SEPTIN1: variants seen among roughly 807,000 people sequenced by gnomAD.
SEPTIN1 encodes the protein septin-1.
A neutral mutation model predicts 50.7 loss-of-function variants in SEPTIN1; 52 were observed. The ratio of observed to expected loss-of-function variants is 1.03; its 90% CI spans 0.82 to 1.29. The LOEUF (loss-of-function observed/expected upper bound fraction) is 1.29. SEPTIN1 is among the 50% of genes most tolerant of loss of function. SEPTIN1 has a pLI of 0.00. For synonymous variants in SEPTIN1, 204 were observed against 189.1 expected (o/e 1.08, Z -0.65); for missense variants, 455 against 490.7 (o/e 0.93, Z 0.69).
At position 30,379,248 on chromosome 16, in the gene SEPTIN1, G is replaced by C; in HGVS notation, c.776-65C>G. ...TTTCGGGTCCAACCCACCCGTAAGG[G>C]TCGGGTCTACAGGAAAGTCCTGCTG... On this transcript the variant is annotated intron_variant, in intron 8 of 10. Transcript: ENST00000321367. The C allele has an allele frequency of 1.9e-6, 3 of 1,592,584 alleles. No individual in the cohort carries two copies. The Admixed American group carries it at 5.1e-5, about 27-fold the overall frequency.
At position 30,379,201 on chromosome 16, in the gene SEPTIN1, C is replaced by T. The variant is rs1567423231; in HGVS notation, c.776-18G>A. ...GTTCTCCACTGGAGGGGGGGCGGCG[C>T]GGACCAGCGAACGTCAGGGAGTTTC... On this transcript the variant is annotated intron_variant, in intron 8 of 10. Coordinates refer to ENST00000321367, the MANE Select transcript of SEPTIN1 (RefSeq NM_001365977.2). 2 of 1,613,206 alleles carry T rather than the reference C, an allele frequency of 1.2e-6. No individual in the cohort carries two copies. Among genetic ancestry groups the T allele is most frequent in the South Asian group, 1.1e-5 (1 of 91,008 alleles).
intron 6 of SEPTIN1, chr16:30,380,336 C>T (rs1447361828): frequency 6.0e-6 from 1 of 167,566 alleles, no homozygotes; most frequent in African/African-American, 2.4e-5. Flanking sequence ...AGGTTTCACT[C>T]TATCACCCAG....
chr16:30,378,346 C>CG lies in SEPTIN1; in HGVS notation c.*87dup, dbSNP rs988503603. ...GCGAGGGCGGCACCCGCGGAGGTCC[C>CG]GGGGGGCGCTGGGCAGTGTGGGGCG... On this transcript the variant is annotated 3_prime_UTR_variant, in exon 11 of 11. Coordinates refer to ENST00000321367, the MANE Select transcript of SEPTIN1 (RefSeq NM_001365977.2). 3.9e-5 allele frequency: 51 copies of CG among 1,294,728 alleles called. No homozygotes were observed. Among genetic ancestry groups the CG allele is most frequent in the Middle Eastern group, 2.6e-4 (1 of 3,878 alleles). 80.2% of individuals were successfully genotyped at this position (1,294,728 alleles called of 1,614,324 possible).
Position 30,379,449 on chromosome 16 carries a change from C to G in SEPTIN1, c.761G>C (p.Trp254Ser). 2 of 1,613,910 alleles carry G rather than the reference C, an allele frequency of 1.2e-6. No individual in the cohort carries two copies. The highest frequency in any genetic ancestry group is 1.7e-4 in the Middle Eastern group (1 of 6,060). Residue 254 changes from tryptophan to serine, a missense_variant, in exon 8 of 11, where the codon TGG becomes TCG. Transcript: ENST00000321367. ...GCCTCACTCACCCTCCACGGTCCCC[C>G]AGGAGTAGCGGCGTCCCCTCACCGG... ...NRPVRGRRYS[W>S]GTVEVENPHH...
Position 30,378,312 on chromosome 16 carries a change from C to A in SEPTIN1, c.*122G>T, listed in dbSNP as rs964581158. 8 of 984,096 alleles carry A rather than the reference C, an allele frequency of 8.1e-6. No homozygotes were observed. In the African/African-American group the frequency reaches 9.9e-5, roughly 12 times the overall value. 61.0% of individuals were successfully genotyped at this position (984,096 alleles called of 1,614,324 possible). A position where few individuals can be genotyped will look rare whatever the true frequency, so the allele number is the denominator to read the frequency against. ...GGACTCAGGCTGGGAGAACCTCCCC[C>A]TAGCCCGCGCGAGGGCGGCACCCGC... On this transcript the variant is annotated 3_prime_UTR_variant, in exon 11 of 11. Coordinates refer to ENST00000321367, the MANE Select transcript of SEPTIN1 (RefSeq NM_001365977.2).
chr16:30,380,384 C>T (rs1443771083), intron 6 of SEPTIN1: 1 of 161,224 alleles, frequency 6.2e-6, no homozygotes, highest in Non-Finnish European at 1.4e-5. Flanking sequence ...TCACTGCAGC[C>T]TCAACCTCTC....
upstream of SEPTIN1, chr16:30,382,802 C>T: frequency 6.5e-7 from 1 of 1,535,178 alleles, no homozygotes. The surrounding 1 kb of genome is among the most constrained non-coding windows in gnomAD (Gnocchi z 4.8). Flanking sequence ...CGTGGTGAGA[C>T]ATGGGGTATG....
In SEPTIN1 at chr16:30,382,412, G is replaced by C. The variant is rs751946125; in HGVS notation, c.19-47C>G. On this transcript the variant is annotated intron_variant, in intron 1 of 10. Transcript: ENST00000321367. The surrounding 1 kb of genome is among the most constrained non-coding windows in gnomAD (Gnocchi z 4.8). ...ATGAGGCTGCTGGCAATGGCAGGCA[G>C]GGTCCCCAGGATCACTTGAGTTCCT... The C allele has an allele frequency of 6.4e-7, 1 of 1,572,456 alleles. No individual in the cohort carries two copies. Among genetic ancestry groups the C allele is most frequent in the South Asian group, 1.1e-5 (1 of 87,680 alleles).
In SEPTIN1 at chr16:30,381,301, C is replaced by T; in HGVS notation, c.455+38G>A. On this transcript the variant is annotated intron_variant, in intron 5 of 10. Coordinates refer to ENST00000321367, the MANE Select transcript of SEPTIN1 (RefSeq NM_001365977.2). The surrounding 1 kb of genome is among the most constrained non-coding windows in gnomAD (Gnocchi z 4.3). ...CAGGGGGCAGAGACCCCCCAGCCCT[C>T]CCTAAATGCGCCAGCCCCCAGGATC... 1.9e-6 allele frequency: 3 copies of T among 1,610,664 alleles called. No homozygotes were observed. Among genetic ancestry groups the T allele is most frequent in the Non-Finnish European group, 2.5e-6 (3 of 1,177,298 alleles).
rs778852814 is a variant in SEPTIN1 at position 30,381,845 on chromosome 16, C to T, written c.235G>A (p.Val79Ile). 9.3e-6 allele frequency: 15 copies of T among 1,614,058 alleles called. No individual in the cohort carries two copies. Among genetic ancestry groups the T allele is most frequent in the African/African-American group, 6.7e-5 (5 of 74,916 alleles). Reference sequence around the variant, plus strand: ...TTCACACCCCCTTCCTCAATCTCTACGCCCCGGCGCTCAATGGCCAGGGTC... The same window carrying T: ...TTCACACCCCCTTCCTCAATCTCTATGCCCCGGCGCTCAATGGCCAGGGTC... ...TQTLAIERRG[V>I]EIEEGGVKVK... The change falls in exon 4 of 11, where the codon GTA becomes ATA. Residue 79 changes from valine to isoleucine, a missense_variant. Physicochemically the swap from Val to Ile is conservative, Grantham distance 29. Transcript: ENST00000321367. This position sits in a 1 kb window ranked among gnomAD's most constrained non-coding sequence, Gnocchi z 4.3.
chr16:30,378,912 T>C, intron 9 of SEPTIN1, 106 bp downstream of exon 9: 1 of 1,086,942 alleles, frequency 9.2e-7, no homozygotes, highest in Admixed American at 2.1e-5. Flanking sequence ...GAGAGAAGTC[T>C]GAGTGGTGAA....
rs1597005200 is a variant in SEPTIN1, at chr16:30,380,031, G to C, written c.576C>G (p.Ile192Met). ...PQETQALKQKIRDQLKEEEIH... is the reference protein window; with the variant it reads ...PQETQALKQKMRDQLKEEEIH... ...TCTCCTCTTCCTTCAACTGATCCCG[G>C]ATCTCAGGGGAAACAGATATAGAGA... is the stretch of plus-strand genomic sequence containing the variant. The change falls in exon 7 of 11, where the codon ATC (isoleucine) becomes ATG (methionine). Residue 192 changes from isoleucine to methionine, a missense_variant and splice_region_variant. Ile to Met is a conservative substitution (Grantham distance 10). Coordinates refer to ENST00000321367, the MANE Select transcript of SEPTIN1 (RefSeq NM_001365977.2). 2 of 1,609,380 alleles carry C rather than the reference G, an allele frequency of 1.2e-6. No homozygotes were observed. The highest frequency in any genetic ancestry group is 1.7e-6 in the Non-Finnish European group (2 of 1,177,780).
At position 30,381,856 on chromosome 16, in the gene SEPTIN1, T is replaced by C; in HGVS notation, c.224A>G (p.Glu75Gly). ...TTCCTCAATCTCTACGCCCCGGCGC[T>C]CAATGGCCAGGGTCTGTGTCAAGCG... ...SARLTQTLAI[E>G]RRGVEIEEGG... The change falls in exon 4 of 11, where the codon GAG becomes GGG. Residue 75 changes from glutamate (E) to glycine (G), a missense_variant. Glu to Gly is a moderately conservative substitution (Grantham distance 98). Coordinates refer to ENST00000321367, the MANE Select transcript of SEPTIN1 (RefSeq NM_001365977.2). This position sits in a 1 kb window ranked among gnomAD's most constrained non-coding sequence, Gnocchi z 4.3. 6.2e-7 allele frequency: 1 copy of C among 1,614,074 alleles called. No homozygotes were observed. Among genetic ancestry groups the C allele is most frequent in the Non-Finnish European group, 8.5e-7 (1 of 1,179,990 alleles).
In SEPTIN1 at chr16:30,381,004, C is replaced by G. The variant is rs549784560; in HGVS notation, c.573+123G>C. 1,245 of 831,144 alleles carry G rather than the reference C, an allele frequency of 1.5e-3. 28 individuals carry two copies. The South Asian group carries it at 0.018, about 12-fold the overall frequency. 51.5% of individuals were successfully genotyped at this position (831,144 alleles called of 1,614,324 possible). On this transcript the variant is annotated intron_variant, in intron 6 of 10. Coordinates refer to ENST00000321367, the MANE Select transcript of SEPTIN1 (RefSeq NM_001365977.2). The surrounding 1 kb of genome is among the most constrained non-coding windows in gnomAD (Gnocchi z 4.3). ...GCTTACCACCCGCCTTCCTCAGAAG[C>G]TTCTCCTACAATCTAGCCTGATGCA...
chr16:30,380,025 A>G lies in SEPTIN1; in HGVS notation c.582T>C (p.Asp194=), dbSNP rs1385168511. 4 of 1,610,342 alleles carry G rather than the reference A, an allele frequency of 2.5e-6. No homozygotes were observed. Among genetic ancestry groups the G allele is most frequent in the Non-Finnish European group, 2.5e-6 (3 of 1,178,426 alleles). The change falls in exon 7 of 11, where the codon GAT becomes GAC. Residue 194 remains aspartate, a synonymous_variant. Coordinates refer to ENST00000321367, the MANE Select transcript of SEPTIN1 (RefSeq NM_001365977.2). The part of the protein sequence containing the change: ...ETQALKQKIR[D]QLKEEEIHIY... ...TGTGGATCTCCTCTTCCTTCAACTG[A>G]TCCCGGATCTCAGGGGAAACAGATA... is the stretch of plus-strand genomic sequence containing the variant.
In SEPTIN1 at chr16:30,378,359, G is replaced by A; in HGVS notation, c.*75C>T. 1.5e-6 allele frequency: 2 copies of A among 1,367,788 alleles called. No individual in the cohort carries two copies. The highest frequency in any genetic ancestry group is 2.0e-6 in the Non-Finnish European group (2 of 1,021,258). The allele number at this position is 1,367,788 out of a possible 1,614,324, so 84.7% of individuals were successfully genotyped here. On this transcript the variant is annotated 3_prime_UTR_variant, in exon 11 of 11. Coordinates refer to ENST00000321367, the MANE Select transcript of SEPTIN1 (RefSeq NM_001365977.2). The stretch of plus-strand genomic sequence containing the variant: ...CCGCGGAGGTCCCGGGGGGCGCTGG[G>A]CAGTGTGGGGCGCGGGGATTGGACA...
In SEPTIN1 at chr16:30,378,437, G is replaced by A. The variant is rs1268002039; in HGVS notation, c.1116C>T (p.Leu372=). The change falls in exon 11 of 11, where the codon CTC becomes CTT. Residue 372 remains leucine (L), a synonymous_variant. Transcript: ENST00000321367. ...TAAGGCCGGGCGGGGCGTGGCCTCA[G>A]AGGGCGTCTGACTGCTCGCCCTGGG... The part of the protein sequence containing the change: ...SQAQGEQSDA[L] The A allele has an allele frequency of 6.4e-7, 1 of 1,570,340 alleles. No individual in the cohort carries two copies. The highest frequency in any genetic ancestry group is 1.1e-5 in the South Asian group (1 of 87,868).
At chr16:30,379,630 G>A in intron 7 of SEPTIN1, 96 bp from the exon 8 acceptor site, 2 of 500,568 alleles carry the variant, frequency 4.0e-6, no homozygotes, top group South Asian at 2.3e-5. Context: ...TCTGCTTCCT[G>A]CCCCTTCCTC....
At chr16:30,380,978 G>A (rs897615684) in intron 6 of SEPTIN1, 149 bp downstream of exon 6, 10 of 728,810 alleles carry the variant, frequency 1.4e-5, no homozygotes, top group African/African-American at 3.5e-5. Context: ...CTATGCTGGC[G>A]GCTTACCACC....
Sources: gnomAD v4.1 joint callset for allele counts on GRCh38, gnomAD v4.1.1 for gene constraint, Gnocchi (gnomAD v3.1) non-coding constraint, MANE v1.5 for transcripts, NCBI Gene and HGNC (gene_info 2026-07-23, HGNC 2026-07-21) for gene names.